TAFA4: variants seen among roughly 807,000 people sequenced by gnomAD.
The protein encoded by TAFA4 is chemokine-like protein TAFA-4.
A neutral mutation model predicts 21.1 loss-of-function variants in TAFA4; 20 were observed. That is an observed-to-expected ratio of 0.95 (90% CI 0.67 to 1.38). The LOEUF is 1.38. TAFA4 is among the 40% of genes most tolerant of loss of function. The pLI is 0.00. For synonymous variants in TAFA4, 71 were observed against 67.4 expected (o/e 1.05, Z -0.26); for missense variants, 211 against 180.9 (o/e 1.17, Z -0.95).
intron 4 of TAFA4, among the ~76,000 whole-genome samples, chr3:68,746,529 C>G (rs1702460773): frequency 6.6e-6 from 1 of 152,092 alleles, no homozygotes; most frequent in Admixed American, 6.6e-5. Flanking sequence ...TTATTTCAAT[C>G]CTATTATTAT....
intron 3 of TAFA4, among the ~76,000 whole-genome samples, chr3:68,799,924 C>A (rs1428205145): frequency 6.6e-6 from 1 of 152,046 alleles, no homozygotes; most frequent in African/African-American, 2.4e-5. Flanking sequence ...AGATGAGCAG[C>A]AGCATTAGAT....
intron 4 of TAFA4, among the ~76,000 whole-genome samples, chr3:68,746,254 A>G (rs1559757059): frequency 6.6e-6 from 1 of 152,132 alleles, no homozygotes; most frequent in African/African-American, 2.4e-5. Flanking sequence ...CTCAGCTTGC[A>G]GACAGCCACT....
rs1381992297 is a variant in TAFA4, at chr3:68,853,220, T to C, written c.130+27510A>G. The stretch of plus-strand genomic sequence containing the variant: ...CTTTAATTACTATTATTATCTACTA[T>C]AGAGTTAAGGAAAAAAAACTTTTTT... On this transcript the variant is annotated intron_variant, in intron 3 of 5. Transcript: ENST00000295569. Among the ~76,000 whole-genome samples the C allele has an allele frequency of 2.0e-5, 3 of 146,850 alleles. No homozygotes were observed. The South Asian group carries it at 7.4e-4, about 36-fold the overall frequency.
chr3:68,753,085 A>C, intron 3 of TAFA4, 67 bp from the exon 4 acceptor site: 1 of 1,467,070 alleles, frequency 6.8e-7, no homozygotes, highest in Non-Finnish European at 9.4e-7. Flanking sequence ...ACCAAAACCA[A>C]AATGATGCTA....
chr3:68,780,138 C>A (rs146406877), intron 3 of TAFA4, among the ~76,000 whole-genome samples: 290 of 152,264 alleles, frequency 1.9e-3, no homozygotes, highest in African/African-American at 6.5e-3. Context: ...GCCAATTTCT[C>A]CCATTTGGAA....
At position 68,841,193 on chromosome 3, in the gene TAFA4, C is replaced by G. The variant is rs1054992581; in HGVS notation, c.130+39537G>C. Among the ~76,000 whole-genome samples, 12 of 124,814 alleles carry G rather than the reference C, an allele frequency of 9.6e-5. 4 individuals carry two copies. Among genetic ancestry groups the G allele is most frequent in the Non-Finnish European group, 1.8e-4 (10 of 54,956 alleles). The allele number at this position is 124,814 out of a possible 152,430, so 81.9% of individuals were successfully genotyped here. A position where few individuals can be genotyped will look rare whatever the true frequency, so the allele number is the denominator to read the frequency against. On this transcript the variant is annotated intron_variant, in intron 3 of 5. Coordinates refer to ENST00000295569, the MANE Select transcript of TAFA4 (RefSeq NM_182522.5). ...AAAAAATTAGCCGGGCGTAGTGGCG[C>G]GCGCCTGTAGTCCCAGCTACTTGGG...
At chr3:68,916,115 G>A (rs1265378092) in intron 1 of TAFA4, 1 of 152,216 alleles carries the variant, frequency 6.6e-6, no homozygotes, top group Non-Finnish European at 1.5e-5. Flanking sequence ...AAGAAATGTT[G>A]TGAGGTTCCC....
intron 3 of TAFA4, among the ~76,000 whole-genome samples, chr3:68,822,574 C>T (rs1314830502): frequency 2.6e-5 from 4 of 152,172 alleles, no homozygotes; most frequent in African/African-American, 9.7e-5. Flanking sequence ...TGGGCTTAAG[C>T]GATCCTTCCA....
chr3:68,873,330 G>GCACACACA (rs1333012039), intron 3 of TAFA4, among the ~76,000 whole-genome samples: 3 of 68,676 alleles, frequency 4.4e-5, no homozygotes, highest in South Asian at 1.7e-3. Flanking sequence ...ACAGACACAC[G>GCACACACA]CAGACATACA....
chr3:68,757,925 AT>A (rs908364376), intron 3 of TAFA4, among the ~76,000 whole-genome samples: 53 of 150,154 alleles, frequency 3.5e-4, no homozygotes, highest in East Asian at 1.4e-3. Context: ...TACTGTTTGA[AT>A]TTTTTTTTTG....
intron 3 of TAFA4, among the ~76,000 whole-genome samples, chr3:68,779,784 A>T (rs1703121595): frequency 6.6e-6 from 1 of 152,186 alleles, no homozygotes; most frequent in Non-Finnish European, 1.5e-5. Flanking sequence ...GACAGTGAAG[A>T]AGGGAAATGT....
intron 3 of TAFA4, among the ~76,000 whole-genome samples, chr3:68,801,879 T>G (rs1245153830): frequency 1.3e-5 from 2 of 152,052 alleles, no homozygotes; most frequent in Non-Finnish European, 2.9e-5. Context: ...TGGAAAAAAA[T>G]CCATTAATTT....
chr3:68,825,716 T>C (rs78861569), intron 3 of TAFA4, among the ~76,000 whole-genome samples: 3,082 of 152,250 alleles, frequency 0.02, 105 homozygotes, highest in African/African-American at 0.065. Context: ...AAAGGACAGC[T>C]TTTCCCTATC....
chr3:68,839,835 C>T (rs1426006827), intron 3 of TAFA4, among the ~76,000 whole-genome samples: 3 of 152,078 alleles, frequency 2.0e-5, no homozygotes, highest in Admixed American at 6.6e-5. Flanking sequence ...TAGAAATTTC[C>T]GAGGTAGGAC....
chr3:68,860,270 A>C (rs746637633), intron 3 of TAFA4, among the ~76,000 whole-genome samples: 1 of 152,176 alleles, frequency 6.6e-6, no homozygotes, highest in Non-Finnish European at 1.5e-5. Flanking sequence ...TAATGAACAG[A>C]AGGGTTTATT....
chr3:68,846,160 G>A (rs766339905), intron 3 of TAFA4, among the ~76,000 whole-genome samples: 17 of 152,000 alleles, frequency 1.1e-4, no homozygotes, highest in African/African-American at 2.7e-4. Context: ...CCAATCAAAC[G>A]TAGATTTGTT....
intron 1 of TAFA4, among the ~76,000 whole-genome samples, chr3:68,912,590 T>C (rs1032726190): frequency 3.3e-5 from 5 of 152,214 alleles, no homozygotes; most frequent in African/African-American, 1.2e-4. Context: ...GTTAATCAAG[T>C]CTTACTCATC....
At chr3:68,817,046 C>G (rs1470309037) in intron 3 of TAFA4, among the ~76,000 whole-genome samples, 3 of 152,150 alleles carry the variant, frequency 2.0e-5, no homozygotes, top group Non-Finnish European at 4.4e-5. Context: ...CATCAATTAA[C>G]TCTTTCATGA....
chr3:68,733,238 G>C, intron 5 of TAFA4, 85 bp from the exon 6 acceptor site: 2 of 1,513,188 alleles, frequency 1.3e-6, no homozygotes, highest in South Asian at 1.2e-5. Flanking sequence ...ATAAGGTCCT[G>C]ACTGTGAATA....
Sources: allele counts gnomAD v4.1 joint callset (sites outside exome capture counted in the v4.1 genomes callset), GRCh38; gene constraint gnomAD v4.1.1; transcripts MANE v1.5; gene names NCBI Gene and HGNC (gene_info 2026-07-23, HGNC 2026-07-21).